The following TP73 variants were observed in gnomAD, a reference collection of about 807,000 sequenced individuals.
The protein encoded by TP73 is tumor protein p73.
Under a neutral mutation model 62.5 loss-of-function variants are expected in TP73, and 25 were observed. The observed-to-expected ratio is 0.40, with a 90% CI of 0.29 to 0.56. TP73 has a LOEUF of 0.56. Among genes scored for constraint, TP73 ranks in the 20% least tolerant of loss-of-function variants. TP73 has a pLI of 0.46. For missense variants in TP73, 754 were observed against 913.3 expected (o/e 0.83, Z 2.25); for synonymous variants, 423 against 377.5 (o/e 1.12, Z -1.40).
In TP73 at chr1:3,663,482, G is replaced by A. The variant is rs543406460; in HGVS notation, c.-34+10841G>A. On this transcript the variant is annotated intron_variant, in intron 1 of 13. Coordinates refer to ENST00000378295, the MANE Select transcript of TP73 (RefSeq NM_005427.4). This position sits in a 1 kb window ranked among gnomAD's most constrained non-coding sequence, Gnocchi z 4.7. ...TGTAATCCCAGCACTTTGGGAGGCT[G>A]AGTCGGGCGGATCACTAGGTCAGGA... Among the ~76,000 whole-genome samples, 4 of 152,276 alleles carry A rather than the reference G, an allele frequency of 2.6e-5. No homozygotes were observed. Among genetic ancestry groups the A allele is most frequent in the African/African-American group, 4.8e-5 (2 of 41,578 alleles).
At chr1:3,685,407 C>T (rs1019852241) in intron 3 of TP73, among the ~76,000 whole-genome samples, 2 of 152,204 alleles carry the variant, frequency 1.3e-5, no homozygotes, top group African/African-American at 4.8e-5. Flanking sequence ...GGCAGCGACA[C>T]GCCTCCTCCC....
rs553763701 is a variant in TP73, at chr1:3,662,773, G to C, written c.-34+10132G>C. ...AGGGGACATTGCAAGGGGGCCTAGA[G>C]GGGCCTCTATGGGCCTTGGAGATGG... On this transcript the variant is annotated intron_variant, in intron 1 of 13. Coordinates refer to ENST00000378295, the MANE Select transcript of TP73 (RefSeq NM_005427.4). The surrounding 1 kb of genome is among the most constrained non-coding windows in gnomAD (Gnocchi z 4.4). 1.3e-5 allele frequency among the ~76,000 whole-genome samples: 2 copies of C among 152,328 alleles called. No homozygotes were observed. Among genetic ancestry groups the C allele is most frequent in the South Asian group, 4.1e-4 (2 of 4,828 alleles).
chr1:3,727,341 G>T, intron 7 of TP73, 117 bp downstream of exon 7: 1 of 1,113,256 alleles, frequency 9.0e-7, no homozygotes, highest in East Asian at 2.6e-5. Flanking sequence ...AGAGACTTTG[G>T]GGTGTGCTGC....
chr1:3,700,318 G>A (rs929365528), intron 3 of TP73, among the ~76,000 whole-genome samples: 3 of 152,066 alleles, frequency 2.0e-5, no homozygotes, highest in Non-Finnish European at 2.9e-5. Context: ...AATACGTTCC[G>A]TTCTGGACAG....
At position 3,735,086 on chromosome 1, in the gene TP73, C is replaced by T. The variant is rs778292452; in HGVS notation, c.*2007C>T. On this transcript the variant is annotated 3_prime_UTR_variant, in exon 14 of 14. Coordinates refer to ENST00000378295, the MANE Select transcript of TP73 (RefSeq NM_005427.4). ...TCACCTCAGCTCTCCATCTTATTGC[C>T]ATTTTGTAGATGAGGAAGCTGAGAC... 8 of 152,236 alleles carry T rather than the reference C, an allele frequency of 5.3e-5. No individual in the cohort carries two copies. The highest frequency in any genetic ancestry group is 1.2e-4 in the African/African-American group (5 of 41,434). The allele number at this position is 152,236 out of a possible 1,614,324, so 9.4% of individuals were successfully genotyped here. A position where few individuals can be genotyped will look rare whatever the true frequency, so the allele number is the denominator to read the frequency against.
rs963453537 is a variant in TP73, at chr1:3,733,195, A to C, written c.*116A>C. The C allele has an allele frequency of 3.2e-6, 4 of 1,256,076 alleles. No homozygotes were observed. In the African/African-American group the frequency reaches 6.0e-5, roughly 19 times the overall value. 77.8% of individuals were successfully genotyped at this position (1,256,076 alleles called of 1,614,324 possible). A position where few individuals can be genotyped will look rare whatever the true frequency, so the allele number is the denominator to read the frequency against. On this transcript the variant is annotated 3_prime_UTR_variant, in exon 14 of 14. Transcript: ENST00000378295. ...CAGGACCTTCGGGCTGTGCCCGGGG[A>C]AAGGCAAGGTCCGGCCCATCCCCAG...
intron 1 of TP73, among the ~76,000 whole-genome samples, chr1:3,677,153 G>A (rs778049073): frequency 2.0e-5 from 3 of 152,132 alleles, no homozygotes; most frequent in Non-Finnish European, 2.9e-5. Context: ...CGTGGGTCCC[G>A]GGGAAGCTGT....
chr1:3,729,922 G>A, intron 10 of TP73, 78 bp from the exon 11 acceptor site: 1 of 1,487,976 alleles, frequency 6.7e-7, no homozygotes, highest in Non-Finnish European at 9.0e-7. Flanking sequence ...CGCAGCATGG[G>A]GGCATCACGG....
intron 1 of TP73, among the ~76,000 whole-genome samples, chr1:3,653,273 G>T (rs558632823): frequency 2.6e-5 from 4 of 152,224 alleles, no homozygotes; most frequent in Non-Finnish European, 5.9e-5. Flanking sequence ...TCTCCGGAGC[G>T]GTCCCAGGTA....
chr1:3,731,889 A>G (rs1441580767), intron 13 of TP73, among the ~76,000 whole-genome samples: 2 of 152,244 alleles, frequency 1.3e-5, no homozygotes, highest in African/African-American at 2.4e-5. Flanking sequence ...CGAGGGAGTC[A>G]GTCCAGTTCA....
At chr1:3,693,758 ACAATCCCACCCATGCAGCCTCAG>A (rs1638316785) in intron 3 of TP73, among the ~76,000 whole-genome samples, 1 of 96,432 alleles carries the variant, frequency 1.0e-5, no homozygotes, top group African/African-American at 4.2e-5. Context: ...TCCTCCTCCC[ACAATCCCACCCATGCAGCCTCAG>A]CCCCTCCTCC....
intron 1 of TP73, among the ~76,000 whole-genome samples, chr1:3,658,705 G>A (rs1644919836): frequency 6.6e-6 from 1 of 152,126 alleles, no homozygotes; most frequent in African/African-American, 2.4e-5. Context: ...TTTTTCTGTT[G>A]GCTGGTTCTC....
rs996928644 is a variant in TP73 at position 3,678,847 on chromosome 1, G to A, written c.-33-3486G>A. On this transcript the variant is annotated intron_variant, in intron 1 of 13. Transcript: ENST00000378295. ...GAAGATGCATCTGCCCAGGGCTTCC[G>A]GCTGGTCCACACGCCTGCACCTGGA... is the stretch of plus-strand genomic sequence containing the variant. 3.9e-5 allele frequency among the ~76,000 whole-genome samples: 6 copies of A among 152,320 alleles called. No homozygotes were observed. The East Asian group carries it at 5.8e-4, about 15-fold the overall frequency.
At position 3,683,160 on chromosome 1, in the gene TP73, G is replaced by T; in HGVS notation, c.166G>T (p.Gly56Cys). ...DSSMDVFHLE[G>C]MTTSVMAQFN... ...CAGCATGGACGTCTTCCACCTGGAGGGCATGACTACATCTGTCATGGTGAG... is the reference window on the plus strand; with the variant it reads ...CAGCATGGACGTCTTCCACCTGGAGTGCATGACTACATCTGTCATGGTGAG... The change falls in exon 3 of 14, where the codon GGC becomes TGC. Residue 56 changes from glycine to cysteine, a missense_variant. Physicochemically the swap from Gly to Cys is radical, Grantham distance 159 (BLOSUM62 -3). Around this residue, in one of 3 missense-constraint regions of TP73, gnomAD observed 235 missense variants for 251.4 expected, o/e 0.93. Coordinates refer to ENST00000378295, the MANE Select transcript of TP73 (RefSeq NM_005427.4). 9 of 1,611,300 alleles carry T rather than the reference G, an allele frequency of 5.6e-6. No individual in the cohort carries two copies. Among genetic ancestry groups the T allele is most frequent in the Non-Finnish European group, 7.6e-6 (9 of 1,178,398 alleles).
Position 3,735,557 on chromosome 1 carries a change from A to C in TP73, c.*2478A>C, listed in dbSNP as rs1281819793. Reference sequence around the variant, plus strand: ...TGGAGAAGCAGCTGTGAAAGTAGACAGAGTTGAGACTTCGCCGTGGTCAGG... The same window carrying C: ...TGGAGAAGCAGCTGTGAAAGTAGACCGAGTTGAGACTTCGCCGTGGTCAGG... On this transcript the variant is annotated 3_prime_UTR_variant, in exon 14 of 14. Coordinates refer to ENST00000378295, the MANE Select transcript of TP73 (RefSeq NM_005427.4). 1 of 152,244 alleles carries C rather than the reference A, an allele frequency of 6.6e-6. No homozygotes were observed. The highest frequency in any genetic ancestry group is 1.5e-5 in the Non-Finnish European group (1 of 68,050). 9.4% of individuals were successfully genotyped at this position (152,244 alleles called of 1,614,324 possible).
chr1:3,690,799 C>T, intron 3 of TP73: 1 of 1,529,992 alleles, frequency 6.5e-7, no homozygotes, highest in Non-Finnish European at 8.8e-7. Flanking sequence ...TCGGTCCACG[C>T]TGCCGGGCGG....
intron 1 of TP73, among the ~76,000 whole-genome samples, chr1:3,669,015 GC>G (rs1645182534): frequency 6.6e-6 from 1 of 152,240 alleles, no homozygotes; most frequent in Non-Finnish European, 1.5e-5. Flanking sequence ...GCAGCTCCAG[GC>G]CGGCCACGCT....
chr1:3,662,563 G>A lies in TP73; in HGVS notation c.-34+9922G>A, dbSNP rs1014096520. Among the ~76,000 whole-genome samples, 2 of 152,228 alleles carry A rather than the reference G, an allele frequency of 1.3e-5. No individual in the cohort carries two copies. The highest frequency in any genetic ancestry group is 2.9e-5 in the Non-Finnish European group (2 of 68,042). The stretch of plus-strand genomic sequence containing the variant: ...CTCCTCCCGGCATAGAGACCTTTAC[G>A]AATGGAAATGTCTTTCATTTCTCTC... On this transcript the variant is annotated intron_variant, in intron 1 of 13. Transcript: ENST00000378295. The surrounding 1 kb of genome is among the most constrained non-coding windows in gnomAD (Gnocchi z 4.4).
intron 3 of TP73, among the ~76,000 whole-genome samples, chr1:3,706,712 C>T (rs373242209): frequency 6.6e-6 from 1 of 152,242 alleles, no homozygotes; most frequent in South Asian, 2.1e-4. Context: ...TCAGCTGGGG[C>T]CTCCCTTAAG....
Sources: allele counts gnomAD v4.1 joint callset (sites outside exome capture counted in the v4.1 genomes callset), GRCh38; gene constraint gnomAD v4.1.1; regional missense constraint gnomAD v4.1.1; non-coding constraint Gnocchi (gnomAD v3.1); transcripts MANE v1.5; gene names NCBI Gene and HGNC (gene_info 2026-07-23, HGNC 2026-07-21).